UNC13B: variants seen among roughly 807,000 people sequenced by gnomAD.
The protein encoded by UNC13B is protein unc-13 homolog B.
Under a neutral mutation model 211.0 loss-of-function variants are expected in UNC13B, and 144 were observed. The observed-to-expected ratio is 0.68, with a 90% CI of 0.60 to 0.78. The LOEUF is 0.78. Among genes scored for constraint, UNC13B ranks in the 30% least tolerant of loss-of-function variants. The pLI, the probability that UNC13B is intolerant of heterozygous loss-of-function variation, is 0.00. For missense variants in UNC13B, 1,777 were observed against 2,002.0 expected (o/e 0.89, Z 2.14); for synonymous variants, 709 against 725.8 (o/e 0.98, Z 0.37).
At chr9:35,298,143 G>T (rs1459950525) in intron 8 of UNC13B, among the ~76,000 whole-genome samples, 5 of 152,150 alleles carry the variant, frequency 3.3e-5, no homozygotes, top group African/African-American at 1.2e-4. Flanking sequence ...GACTGGCTAG[G>T]TGCAGTGACT....
rs1253122523 is a variant in UNC13B, at chr9:35,316,644, T to C, written c.9414+2655T>C. Among the ~76,000 whole-genome samples the C allele has an allele frequency of 3.9e-5, 6 of 152,332 alleles. No homozygotes were observed. In the East Asian group the frequency reaches 7.7e-4, roughly 20 times the overall value. ...GATTTTCAATGAGTTTTGAACTTACTTGTTAAAAATATGAAAATATTTCTC... is the reference window on the plus strand; with the variant it reads ...GATTTTCAATGAGTTTTGAACTTACCTGTTAAAAATATGAAAATATTTCTC... On this transcript the variant is annotated intron_variant, in intron 11 of 39. Transcript: ENST00000635942.
intron 24 of UNC13B, 38 bp downstream of exon 24, chr9:35,386,331 G>T: frequency 1.9e-6 from 3 of 1,611,744 alleles, no homozygotes; most frequent in South Asian, 1.1e-5. Flanking sequence ...AGCTGTCAGT[G>T]GCTCTTTGGA....
intron 24 of UNC13B, among the ~76,000 whole-genome samples, chr9:35,387,449 G>C (rs923903922): frequency 4.6e-5 from 7 of 152,134 alleles, no homozygotes; most frequent in African/African-American, 1.2e-4. Flanking sequence ...TCCTTTTAAG[G>C]TTTCTAAAGC....
rs148272396 is a variant in UNC13B at position 35,317,608 on chromosome 9, C to G, written c.9414+3619C>G. Reference sequence around the variant, plus strand: ...TATGATCTCGGCTGATTGTAATCTCCGCCTCCCAGGTTCAAGCAGTTCTCA... The same window carrying G: ...TATGATCTCGGCTGATTGTAATCTCGGCCTCCCAGGTTCAAGCAGTTCTCA... On this transcript the variant is annotated intron_variant, in intron 11 of 39. Transcript: ENST00000635942. Among the ~76,000 whole-genome samples the G allele has an allele frequency of 7.1e-4, 106 of 148,798 alleles. No individual in the cohort carries two copies. The East Asian group carries it at 0.017, about 24-fold the overall frequency.
At chr9:35,242,028 T>A (rs979577101) in intron 5 of UNC13B, among the ~76,000 whole-genome samples, 3 of 152,192 alleles carry the variant, frequency 2.0e-5, no homozygotes, top group Non-Finnish European at 4.4e-5. Context: ...GAAGTTGATA[T>A]GATCCATATA....
intron 1 of UNC13B, among the ~76,000 whole-genome samples, chr9:35,221,736 A>C (rs1001750249): frequency 8.5e-5 from 13 of 152,210 alleles, no homozygotes; most frequent in African/African-American, 3.1e-4. Context: ...CAGGGTCACT[A>C]AGATTTTCTC....
At position 35,363,881 on chromosome 9, in the gene UNC13B, T is replaced by G. The variant is rs370314206; in HGVS notation, c.9415-3066T>G. Among the ~76,000 whole-genome samples the G allele has an allele frequency of 5.3e-5, 8 of 152,302 alleles. No individual in the cohort carries two copies. The East Asian group carries it at 1.2e-3, about 22-fold the overall frequency. On this transcript the variant is annotated intron_variant, in intron 11 of 39. Coordinates refer to ENST00000635942, the MANE Select transcript of UNC13B (RefSeq NM_001371189.2). ...CAGATTTGGGATTGCAGTCATGGTTTTATCATCTAGATCACTGTGATTTCT... is the reference window on the plus strand; with the variant it reads ...CAGATTTGGGATTGCAGTCATGGTTGTATCATCTAGATCACTGTGATTTCT...
Position 35,403,531 on chromosome 9 carries a change from G to C in UNC13B, c.12669G>C (p.Lys4223Asn). 6.2e-7 allele frequency: 1 copy of C among 1,613,730 alleles called. No individual in the cohort carries two copies. The highest frequency in any genetic ancestry group is 8.5e-7 in the Non-Finnish European group (1 of 1,179,946). The change falls in exon 39 of 40, where the codon AAG becomes AAC. Residue 4223 changes from lysine to asparagine, a missense_variant. Transcript: ENST00000635942. ...VTMVGPHQSD[K>N]KRKFTTKSKS... ...TGGTTGGCCCACACCAAAGTGATAA[G>C]AAGAGGAAGTTCACAACCAAATCCA...
In UNC13B at chr9:35,184,315, G is replaced by T. The variant is rs1006339059; in HGVS notation, c.22+22010G>T. 2.0e-5 allele frequency among the ~76,000 whole-genome samples: 3 copies of T among 152,218 alleles called. No individual in the cohort carries two copies. The East Asian group carries it at 5.8e-4, about 29-fold the overall frequency. On this transcript the variant is annotated intron_variant, in intron 1 of 39. Transcript: ENST00000635942. ...CCACTTCCCAGACGGGGTGGTGGCC[G>T]GGCAGAGGCTGTAATCTTAGCACTT...
chr9:35,249,402 T>C (rs367673380), intron 6 of UNC13B, among the ~76,000 whole-genome samples: 16 of 152,232 alleles, frequency 1.1e-4, no homozygotes, highest in African/African-American at 3.4e-4. Flanking sequence ...GTCATTATGA[T>C]GTTAGCTGGT....
At chr9:35,393,573 T>TC (rs1835677528) in intron 26 of UNC13B, among the ~76,000 whole-genome samples, 1 of 141,442 alleles carries the variant, frequency 7.1e-6, no homozygotes, top group African/African-American at 2.6e-5. Flanking sequence ...GGACTCTCTC[T>TC]CTTTTTTTTT....
intron 11 of UNC13B, among the ~76,000 whole-genome samples, chr9:35,330,331 C>T (rs1484315338): frequency 1.3e-5 from 2 of 152,176 alleles, no homozygotes; most frequent in African/African-American, 4.8e-5. Flanking sequence ...CTGAATGACC[C>T]ATCAAAGGTC....
At chr9:35,263,348 A>G (rs960464802) in intron 7 of UNC13B, among the ~76,000 whole-genome samples, 1 of 152,094 alleles carries the variant, frequency 6.6e-6, no homozygotes, top group Non-Finnish European at 1.5e-5. Flanking sequence ...TTGGTAAAAA[A>G]AAAAAAAAGT....
At chr9:35,186,956 C>G (rs1287042689) in intron 1 of UNC13B, among the ~76,000 whole-genome samples, 1 of 152,088 alleles carries the variant, frequency 6.6e-6, no homozygotes, top group African/African-American at 2.4e-5. Flanking sequence ...ATAAGAAGTT[C>G]TTGCAGACTC....
chr9:35,304,021 T>C lies in UNC13B; in HGVS notation c.4617T>C (p.Tyr1539=). ...ATTATATGTTTCATGATGGTCAATA[T>C]ATCTATTCTCTTCTCACTGATTCTA... The part of the protein sequence containing the change: ...YGYYMFHDGQ[Y]IYSLLTDSTG... Residue 1539 remains tyrosine (Y), a synonymous_variant, in exon 9 of 40, where the codon TAT becomes TAC. Transcript: ENST00000635942. 1 of 398,810 alleles carries C rather than the reference T, an allele frequency of 2.5e-6. No individual in the cohort carries two copies. Among genetic ancestry groups the C allele is most frequent in the Non-Finnish European group, 4.4e-6 (1 of 225,884 alleles). The allele number at this position is 398,810 out of a possible 1,614,324, so 24.7% of individuals were successfully genotyped here.
intron 29 of UNC13B, 46 bp downstream of exon 29, chr9:35,397,356 TCA>T (rs750361466): frequency 6.2e-7 from 1 of 1,604,390 alleles, no homozygotes; most frequent in Admixed American, 1.7e-5. Flanking sequence ...ACCACCACAC[TCA>T]CAGTCTCATC....
intron 11 of UNC13B, among the ~76,000 whole-genome samples, chr9:35,323,110 G>A (rs1830822772): frequency 6.6e-6 from 1 of 151,202 alleles, no homozygotes; most frequent in African/African-American, 2.4e-5. Context: ...TCATGGATCA[G>A]TCCAGAGTTA....
chr9:35,325,091 G>A (rs1830935163), intron 11 of UNC13B, among the ~76,000 whole-genome samples: 1 of 152,242 alleles, frequency 6.6e-6, no homozygotes, highest in Non-Finnish European at 1.5e-5. Context: ...TTAAGATGTA[G>A]AAGAATGAGG....
intron 24 of UNC13B, among the ~76,000 whole-genome samples, chr9:35,387,537 A>T (rs1043217022): frequency 2.6e-5 from 4 of 152,156 alleles, no homozygotes; most frequent in African/African-American, 7.2e-5. Context: ...CTCCTCTGTC[A>T]TCTGTCTATG....
Sources: allele counts gnomAD v4.1 joint callset (sites outside exome capture counted in the v4.1 genomes callset), GRCh38; gene constraint gnomAD v4.1.1; transcripts MANE v1.5; gene names NCBI Gene and HGNC (gene_info 2026-07-23, HGNC 2026-07-21).